The following C7orf33 variants were observed in gnomAD, a reference collection of about 807,000 sequenced individuals.
C7orf33 encodes the protein uncharacterized protein C7orf33.
Under a neutral mutation model 13.4 loss-of-function variants are expected in C7orf33, and 15 were observed. That is an observed-to-expected ratio of 1.12 (90% CI 0.75 to 1.72). The LOEUF (loss-of-function observed/expected upper bound fraction) is 1.72, where lower values mean the gene tolerates loss of function less well. C7orf33 is among the 40% of genes most tolerant of loss of function. C7orf33 has a pLI of 0.00. For missense variants in C7orf33, 187 were observed against 220.3 expected (o/e 0.85, Z 0.96); for synonymous variants, 73 against 83.2 (o/e 0.88, Z 0.67).
intron 1 of C7orf33, among the ~76,000 whole-genome samples, chr7:148,606,931 A>ATACACACAC (rs1554449216): frequency 4.5e-4 from 9 of 20,160 alleles, no homozygotes; most frequent in African/African-American, 6.9e-4. Flanking sequence ...TTAAAAAAAA[A>ATACACACAC]ATACACACAC....
rs370070335 is a variant in C7orf33, at chr7:148,591,060, C to T, written c.135C>T (p.Val45=). The T allele has an allele frequency of 3.7e-5, 60 of 1,613,886 alleles. No individual in the cohort carries two copies. The highest frequency in any genetic ancestry group is 4.7e-5 in the Non-Finnish European group (55 of 1,180,002). ...ACCTTCGCCTGAGTGGGAGGGCAGTCGCTGTTTGGGTCCACGTTAGGGGCG... is the reference window on the plus strand; with the variant it reads ...ACCTTCGCCTGAGTGGGAGGGCAGTTGCTGTTTGGGTCCACGTTAGGGGCG... The part of the protein sequence containing the change: ...RIDLRLSGRA[V]AVWVHVRGGP... The change falls in exon 1 of 3, where the codon GTC becomes GTT. Residue 45 remains valine (V), a synonymous_variant. Coordinates refer to ENST00000307003, the MANE Select transcript of C7orf33 (RefSeq NM_145304.4).
chr7:148,599,958 C>T (rs1357993620), intron 1 of C7orf33, among the ~76,000 whole-genome samples: 2 of 152,182 alleles, frequency 1.3e-5, no homozygotes, highest in African/African-American at 4.8e-5. Flanking sequence ...CCATAAACAG[C>T]CACCCCTTGG....
chr7:148,614,325 A>G, intron 2 of C7orf33, 29 bp downstream of exon 2: 1 of 1,595,418 alleles, frequency 6.3e-7, no homozygotes, highest in Non-Finnish European at 8.6e-7. Context: ...TAGCACCTCC[A>G]AGTTTAAGGA....
In C7orf33 at chr7:148,615,334, G is replaced by C. The variant is rs771460546; in HGVS notation, c.467G>C (p.Gly156Ala). Reference sequence around the variant, plus strand: ...TTCGTAATCCACATGTAGGTACGTGGGCATGAAGTAAGAAAGCTCCAGAAT... The same window carrying C: ...TTCGTAATCCACATGTAGGTACGTGCGCATGAAGTAAGAAAGCTCCAGAAT... ...TVTSSYLNVR[G>A]HEVRKLQNSV... Residue 156 changes from glycine to alanine, a missense_variant, in exon 3 of 3, where the codon GGG becomes GCG. Coordinates refer to ENST00000307003, the MANE Select transcript of C7orf33 (RefSeq NM_145304.4). The C allele has an allele frequency of 9.3e-6, 15 of 1,610,298 alleles. No homozygotes were observed. The highest frequency in any genetic ancestry group is 1.3e-5 in the Non-Finnish European group (15 of 1,176,728).
intron 1 of C7orf33, among the ~76,000 whole-genome samples, chr7:148,599,815 G>A (rs1347157698): frequency 6.6e-6 from 1 of 152,116 alleles, no homozygotes; most frequent in African/African-American, 2.4e-5. Flanking sequence ...GAATGTGGGT[G>A]GCTGTGGAGA....
intron 1 of C7orf33, among the ~76,000 whole-genome samples, chr7:148,604,821 A>G (rs1267485191): frequency 6.6e-6 from 1 of 152,226 alleles, no homozygotes; most frequent in Non-Finnish European, 1.5e-5. Flanking sequence ...CCACCAATAA[A>G]AATATTTCCA....
At chr7:148,595,631 AT>A (rs1276156322) in intron 1 of C7orf33, among the ~76,000 whole-genome samples, 3 of 77,968 alleles carry the variant, frequency 3.8e-5, no homozygotes, top group African/African-American at 3.7e-4. Flanking sequence ...TATAATATAC[AT>A]CTATATTATA....
Position 148,590,840 on chromosome 7 carries a change from G to T in C7orf33, c.-86G>T. On this transcript the variant is annotated 5_prime_UTR_variant, in exon 1 of 3. Coordinates refer to ENST00000307003, the MANE Select transcript of C7orf33 (RefSeq NM_145304.4). ...GTCTGAATCCTCCTACTGACCCTGG[G>T]GATCCGTGCGACTTGATCTTAGATA... The T allele has an allele frequency of 8.1e-7, 1 of 1,240,298 alleles. No homozygotes were observed. Among genetic ancestry groups the T allele is most frequent in the Non-Finnish European group, 1.2e-6 (1 of 851,974 alleles). The allele number at this position is 1,240,298 out of a possible 1,614,324, so 76.8% of individuals were successfully genotyped here.
chr7:148,610,174 G>A (rs1032659504), intron 1 of C7orf33, among the ~76,000 whole-genome samples: 7 of 152,232 alleles, frequency 4.6e-5, no homozygotes, highest in African/African-American at 1.4e-4. Flanking sequence ...CCACAAGTAA[G>A]ACTTCTGTGA....
intron 1 of C7orf33, among the ~76,000 whole-genome samples, chr7:148,604,628 G>A (rs1459882055): frequency 1.3e-5 from 2 of 152,154 alleles, no homozygotes; most frequent in African/African-American, 4.8e-5. Flanking sequence ...CAGGTGATGG[G>A]TCCACCAGAA....
intron 1 of C7orf33, among the ~76,000 whole-genome samples, chr7:148,607,399 C>T (rs947252418): frequency 4.0e-5 from 6 of 151,846 alleles, no homozygotes; most frequent in African/African-American, 1.5e-4. Flanking sequence ...GCATCTGTTT[C>T]TTCTTAATTG....
chr7:148,611,448 G>A (rs1377905076), intron 1 of C7orf33, among the ~76,000 whole-genome samples: 3 of 152,308 alleles, frequency 2.0e-5, no homozygotes, highest in South Asian at 2.1e-4. Flanking sequence ...TCTTGATGCC[G>A]AGGGAAGGTC....
intron 1 of C7orf33, among the ~76,000 whole-genome samples, chr7:148,593,447 TA>T (rs1796291634): frequency 6.6e-6 from 1 of 151,902 alleles, no homozygotes; most frequent in African/African-American, 2.4e-5. Context: ...GTATTTTTAG[TA>T]GAGTCGAGGT....
At chr7:148,594,882 C>G (rs545354153) in intron 1 of C7orf33, among the ~76,000 whole-genome samples, 2 of 149,904 alleles carry the variant, frequency 1.3e-5, no homozygotes, top group African/African-American at 5.1e-5. Flanking sequence ...AGGAACCTAA[C>G]AGCAAGTACA....
intron 1 of C7orf33, among the ~76,000 whole-genome samples, chr7:148,598,937 A>G (rs1309328899): frequency 6.6e-6 from 1 of 151,736 alleles, no homozygotes; most frequent in Non-Finnish European, 1.5e-5. Context: ...ATCTTGGCTC[A>G]CTGCAACCTC....
rs116994303 is a variant in C7orf33, at chr7:148,597,591, T to C, written c.204+6462T>C. Among the ~76,000 whole-genome samples the C allele has an allele frequency of 1.9e-3, 290 of 152,260 alleles. 2 individuals carry two copies. The highest frequency in any genetic ancestry group is 3.4e-3 in the Middle Eastern group (1 of 294). ...GCCACTGTACCCTGCCCAAAAATAT[T>C]TTTTAGACAAAAGTCATCAAATAAC... On this transcript the variant is annotated intron_variant, in intron 1 of 2. Coordinates refer to ENST00000307003, the MANE Select transcript of C7orf33 (RefSeq NM_145304.4).
chr7:148,591,713 T>G (rs556020017), intron 1 of C7orf33, among the ~76,000 whole-genome samples: 2 of 152,260 alleles, frequency 1.3e-5, no homozygotes, highest in African/African-American at 4.8e-5. Context: ...CCCGGGTGGC[T>G]AGGACTACAG....
chr7:148,611,485 G>A (rs1231342636), intron 1 of C7orf33, among the ~76,000 whole-genome samples: 2 of 152,134 alleles, frequency 1.3e-5, no homozygotes, highest in East Asian at 1.9e-4. Context: ...AGAAGGGTCC[G>A]GCTGCTGGGC....
chr7:148,614,426 T>A (rs1796579734), intron 2 of C7orf33, 130 bp downstream of exon 2: 2 of 1,080,034 alleles, frequency 1.9e-6, no homozygotes, highest in Admixed American at 4.7e-5. Flanking sequence ...ATTCTCTGAA[T>A]GTCCAGCATG....
Sources: allele counts gnomAD v4.1 joint callset (sites outside exome capture counted in the v4.1 genomes callset), GRCh38; gene constraint gnomAD v4.1.1; transcripts MANE v1.5; gene names NCBI Gene and HGNC (gene_info 2026-07-23, HGNC 2026-07-21).